The following PARD3 variants were observed in gnomAD, a reference collection of about 807,000 sequenced individuals.
The protein encoded by PARD3 is partitioning defective 3 homolog.
A neutral mutation model predicts 155.4 loss-of-function variants in PARD3; 75 were observed. The observed-to-expected ratio is 0.48, with a 90% CI of 0.40 to 0.58. The LOEUF (loss-of-function observed/expected upper bound fraction) is 0.58, where lower values mean the gene tolerates loss of function less well. PARD3 is among the 20% of genes least tolerant of loss of function. PARD3 has a pLI of 0.00. For synonymous variants in PARD3, 576 were observed against 610.5 expected, an observed-to-expected ratio of 0.94 and a Z score of 0.83; for missense variants, 1,642 against 1,721.7, an observed-to-expected ratio of 0.95 and a Z score of 0.82.
chr10:34,640,485 C>T (rs1211978944), intron 2 of PARD3, among the ~76,000 whole-genome samples: 1 of 151,524 alleles, frequency 6.6e-6, no homozygotes, highest in African/African-American at 2.4e-5. Context: ...GGCGTGGTGG[C>T]ATGCACCTAT....
chr10:34,279,141 C>CTTTTTTTTTTTTTT (rs143467605), intron 21 of PARD3, among the ~76,000 whole-genome samples: 1 of 102,052 alleles, frequency 9.8e-6, no homozygotes, highest in African/African-American at 4.1e-5. Flanking sequence ...ATATTTTTTC[C>CTTTTTTTTTTTTTT]TTTTTTTTTT....
chr10:34,453,541 G>T (rs1360933640), intron 4 of PARD3, among the ~76,000 whole-genome samples: 2 of 152,136 alleles, frequency 1.3e-5, no homozygotes, highest in South Asian at 2.1e-4. Flanking sequence ...AATTTTAAAA[G>T]AACATTTTGA....
chr10:34,471,810 C>T (rs959924771), intron 3 of PARD3, among the ~76,000 whole-genome samples: 2 of 152,258 alleles, frequency 1.3e-5, no homozygotes, highest in East Asian at 1.9e-4. Flanking sequence ...CCACCCGCCT[C>T]GGCCCCAAAA....
intron 5 of PARD3, among the ~76,000 whole-genome samples, chr10:34,405,503 AG>A (rs1199676163): frequency 1.3e-5 from 2 of 152,220 alleles, no homozygotes; most frequent in Non-Finnish European, 2.9e-5. Context: ...GAATGTCTTT[AG>A]GATGAGTAAA....
In PARD3 at chr10:34,512,309, C is replaced by G. The variant is rs78489849; in HGVS notation, c.403+4670G>C. Among the ~76,000 whole-genome samples the G allele has an allele frequency of 5.1e-3, 783 of 152,272 alleles. 6 individuals are homozygous for G. The highest frequency in any genetic ancestry group is 0.018 in the African/African-American group (743 of 41,540). ...AAATAATAAGATGGCTCACTGGTAG[C>G]CTTCTCCTTGCTTGCTGGCTTCTTT... On this transcript the variant is annotated intron_variant, in intron 3 of 24. Transcript: ENST00000374788.
intron 2 of PARD3, among the ~76,000 whole-genome samples, chr10:34,582,092 T>C (rs562622603): frequency 6.6e-6 from 1 of 152,362 alleles, no homozygotes; most frequent in East Asian, 1.9e-4. Context: ...AGTTTCATCA[T>C]GTGAATTTAT....
At chr10:34,670,639 G>A (rs1201468540) in intron 2 of PARD3, among the ~76,000 whole-genome samples, 1 of 152,148 alleles carries the variant, frequency 6.6e-6, no homozygotes, top group Non-Finnish European at 1.5e-5. Context: ...ATGTATGAGT[G>A]TGTGCATGTT....
At chr10:34,681,180 A>C (rs1158298678) in intron 2 of PARD3, among the ~76,000 whole-genome samples, 1 of 152,156 alleles carries the variant, frequency 6.6e-6, no homozygotes, top group Non-Finnish European at 1.5e-5. Flanking sequence ...AACTTGACTG[A>C]GTAATTTTAT....
chr10:34,571,507 G>A (rs2134157670), intron 2 of PARD3, among the ~76,000 whole-genome samples: 1 of 152,220 alleles, frequency 6.6e-6, no homozygotes, highest in South Asian at 2.1e-4. Flanking sequence ...AATCCTGTGA[G>A]GAGGATTAAC....
chr10:34,346,164 T>C, intron 15 of PARD3: 4 of 1,100,182 alleles, frequency 3.6e-6, no homozygotes, highest in Non-Finnish European at 4.5e-6. Flanking sequence ...AGTACATATC[T>C]AGCAGAAGGA....
At chr10:34,790,797 G>A (rs550936063) in intron 1 of PARD3, among the ~76,000 whole-genome samples, 22 of 152,158 alleles carry the variant, frequency 1.4e-4, no homozygotes, top group African/African-American at 5.3e-4. Flanking sequence ...TTTAATCTGT[G>A]AAGTTACATA....
intron 1 of PARD3, among the ~76,000 whole-genome samples, chr10:34,708,979 C>T (rs2094409687): frequency 1.3e-5 from 2 of 152,054 alleles, no homozygotes; most frequent in Non-Finnish European, 2.9e-5. Context: ...ATTTAAAGTG[C>T]CATGTCTGCA....
chr10:34,664,202 C>T (rs769595030), intron 2 of PARD3: 1 of 152,074 alleles, frequency 6.6e-6, no homozygotes, highest in Non-Finnish European at 1.5e-5. Flanking sequence ...CAATCGAAAA[C>T]CTTTTTCTTT....
chr10:34,514,850 T>G (rs1025638), intron 3 of PARD3, among the ~76,000 whole-genome samples: 1 of 151,986 alleles, frequency 6.6e-6, no homozygotes, highest in Admixed American at 6.6e-5. Context: ...AATTCATAAA[T>G]CAACATAAAG....
At chr10:34,782,788 G>A (rs551561075) in intron 1 of PARD3, among the ~76,000 whole-genome samples, 124 of 151,346 alleles carry the variant, frequency 8.2e-4, no homozygotes, top group Non-Finnish European at 1.2e-3. Context: ...GTGTAGTGGC[G>A]TGATCTTGGC....
At chr10:34,620,314 T>A (rs909808342) in intron 2 of PARD3, among the ~76,000 whole-genome samples, 1 of 152,174 alleles carries the variant, frequency 6.6e-6, no homozygotes, top group African/African-American at 2.4e-5. Context: ...CAGATCCCAT[T>A]TATAAGGTCC....
chr10:34,514,351 T>C (rs1210679775), intron 3 of PARD3, among the ~76,000 whole-genome samples: 2 of 152,204 alleles, frequency 1.3e-5, no homozygotes, highest in South Asian at 4.1e-4. Context: ...CTACTAACTA[T>C]AGCTCCTTGA....
chr10:34,411,471 A>G lies in PARD3; in HGVS notation c.715-9554T>C, dbSNP rs563079615. ...ATCATCCAATCATTTGGAGACCTGA[A>G]TAGAACAAAAAGGCTGAGGAAGAGG... is the stretch of plus-strand genomic sequence containing the variant. On this transcript the variant is annotated intron_variant, in intron 5 of 24. Transcript: ENST00000374788. Among the ~76,000 whole-genome samples the G allele has an allele frequency of 2.7e-5, 4 of 149,578 alleles. No individual in the cohort carries two copies. In the South Asian group the frequency reaches 8.3e-4, roughly 31 times the overall value.
At chr10:34,666,495 A>G (rs1044887632) in intron 2 of PARD3, among the ~76,000 whole-genome samples, 1 of 151,864 alleles carries the variant, frequency 6.6e-6, no homozygotes, top group African/African-American at 2.4e-5. Context: ...TTGCTCAAGA[A>G]AACCCCGAGC....
Sources: gnomAD v4.1 joint callset for allele counts (sites outside exome capture counted in the v4.1 genomes callset) on GRCh38, gnomAD v4.1.1 for gene constraint, MANE v1.5 for transcripts, NCBI Gene and HGNC (gene_info 2026-07-23, HGNC 2026-07-21) for gene names.